The following RASA1 variants were observed in gnomAD, a reference collection of about 807,000 sequenced individuals.
The protein encoded by RASA1 is RAS p21 protein activator 1, also known as ras GTPase-activating protein 1.
Under a neutral mutation model 132.2 loss-of-function variants are expected in RASA1, and 25 were observed. The ratio of observed to expected loss-of-function variants is 0.19; its 90% CI spans 0.14 to 0.26. RASA1 has a LOEUF of 0.26. Among genes scored for constraint, RASA1 ranks in the 10% least tolerant of loss-of-function variants. The probability of loss-of-function intolerance (pLI) is 1.00; values close to 1 mark genes in which losing one functional copy is unlikely to be tolerated. For synonymous variants in RASA1, 477 were observed against 449.9 expected (o/e 1.06, Z -0.76); for missense variants, 964 against 1,299.2 (o/e 0.74, Z 3.97).
intron 1 of RASA1, among the ~76,000 whole-genome samples, chr5:87,329,878 G>GT (rs1757488002): frequency 6.6e-6 from 1 of 152,016 alleles, no homozygotes; most frequent in South Asian, 2.1e-4. Context: ...TTAAATTATA[G>GT]TTCCTTAGGG....
At chr5:87,350,435 T>C (rs1580328325) in intron 8 of RASA1, among the ~76,000 whole-genome samples, 1 of 152,020 alleles carries the variant, frequency 6.6e-6, no homozygotes, top group South Asian at 2.1e-4. Flanking sequence ...ACTGAAAATA[T>C]ATCATCTTCT....
intron 22 of RASA1, 54 bp from the exon 23 acceptor site, chr5:87,386,772 G>T: frequency 6.7e-7 from 1 of 1,496,294 alleles, no homozygotes; most frequent in Non-Finnish European, 9.3e-7. Context: ...CAACCTAATA[G>T]ATCAAACAGT....
At chr5:87,285,647 T>G (rs1754521782) in intron 1 of RASA1, among the ~76,000 whole-genome samples, 1 of 148,218 alleles carries the variant, frequency 6.7e-6, no homozygotes, top group African/African-American at 2.5e-5. Context: ...AGACAAAGTC[T>G]CGCTCTGTCG....
At chr5:87,283,231 C>G (rs781324500) in intron 1 of RASA1, among the ~76,000 whole-genome samples, 2 of 113,788 alleles carry the variant, frequency 1.8e-5, no homozygotes, top group Non-Finnish European at 3.8e-5. Flanking sequence ...CTGAAATTTT[C>G]TATTTTTTAA....
intron 1 of RASA1, among the ~76,000 whole-genome samples, chr5:87,277,303 A>C (rs1313520429): frequency 6.6e-6 from 1 of 152,210 alleles, no homozygotes; most frequent in Non-Finnish European, 1.5e-5. Flanking sequence ...TGGACTTAAT[A>C]GTTCCCCCCT....
At chr5:87,286,759 A>T (rs115472859) in intron 1 of RASA1, among the ~76,000 whole-genome samples, 3,720 of 151,474 alleles carry the variant, frequency 0.025, 101 homozygotes, top group African/African-American at 0.057. Flanking sequence ...TGACTCACTA[A>T]AAGAAATAGA....
At chr5:87,278,825 C>T (rs1481947976) in intron 1 of RASA1, among the ~76,000 whole-genome samples, 2 of 151,524 alleles carry the variant, frequency 1.3e-5, no homozygotes, top group East Asian at 3.9e-4. Flanking sequence ...AGAGTTTCTT[C>T]ACCACTAGAA....
At chr5:87,377,869 G>A (rs150498466) in intron 17 of RASA1, among the ~76,000 whole-genome samples, 10 of 152,238 alleles carry the variant, frequency 6.6e-5, no homozygotes, top group African/African-American at 2.4e-4. Flanking sequence ...ATATAGATTT[G>A]TCAAGGAATA....
chr5:87,277,086 T>C (rs1754097067), intron 1 of RASA1, among the ~76,000 whole-genome samples: 1 of 152,218 alleles, frequency 6.6e-6, no homozygotes, highest in Admixed American at 6.5e-5. Context: ...GTACTTTATA[T>C]AGATTATCTT....
chr5:87,268,620 G>A lies in RASA1; in HGVS notation c.169G>A (p.Val57Met), dbSNP rs2112222422. The A allele has an allele frequency of 6.2e-7, 1 of 1,612,128 alleles. No homozygotes were observed. Among genetic ancestry groups the A allele is most frequent in the Non-Finnish European group, 8.5e-7 (1 of 1,179,506 alleles). The change falls in exon 1 of 25, where the codon GTG becomes ATG. Residue 57 changes from valine to methionine, a missense_variant. Val to Met is a conservative substitution (Grantham distance 21). Around this residue, in one of 6 missense-constraint regions of RASA1, gnomAD observed 326 missense variants for 275.8 expected, o/e 1.18. Coordinates refer to ENST00000274376, the MANE Select transcript of RASA1 (RefSeq NM_002890.3). ...APYPGLVETG[V>M]AGTLGGGAAL... The stretch of plus-strand genomic sequence containing the variant: ...CTATCCTGGGCTGGTGGAGACCGGA[G>A]TGGCTGGAACTCTGGGTGGCGGAGC...
Position 87,360,904 on chromosome 5 carries a change from G to A in RASA1, c.1333-1647G>A, listed in dbSNP as rs144518252. Among the ~76,000 whole-genome samples, 1,154 of 152,186 alleles carry A rather than the reference G, an allele frequency of 7.6e-3. 17 individuals are homozygous for A. The highest frequency in any genetic ancestry group is 0.027 in the African/African-American group (1,111 of 41,522). Reference sequence around the variant, plus strand: ...GTTTTTTTCTCTTTATCATTTATGAGCAGAAAATAAAGAGTTCTGAATATT... The same window carrying A: ...GTTTTTTTCTCTTTATCATTTATGAACAGAAAATAAAGAGTTCTGAATATT... On this transcript the variant is annotated intron_variant, in intron 9 of 24. Coordinates refer to ENST00000274376, the MANE Select transcript of RASA1 (RefSeq NM_002890.3).
At chr5:87,270,638 T>C (rs967317187) in intron 1 of RASA1, among the ~76,000 whole-genome samples, 7 of 129,398 alleles carry the variant, frequency 5.4e-5, no homozygotes, top group African/African-American at 1.1e-4. Context: ...TAAGCCACGG[T>C]GCCCGGCCTT....
intron 7 of RASA1, 43 bp from the exon 8 acceptor site, chr5:87,349,171 T>A (rs1021714982): frequency 3.1e-6 from 5 of 1,602,128 alleles, no homozygotes; most frequent in Non-Finnish European, 4.3e-6. Context: ...CTTTTCTTTT[T>A]TATTTGATAA....
At chr5:87,364,987 G>C (rs1760397504) in intron 11 of RASA1, among the ~76,000 whole-genome samples, 1 of 152,154 alleles carries the variant, frequency 6.6e-6, no homozygotes, top group Non-Finnish European at 1.5e-5. Context: ...ATGGATGTTG[G>C]AGAGGCAACA....
At chr5:87,287,064 A>T (rs1263781936) in intron 1 of RASA1, among the ~76,000 whole-genome samples, 1 of 146,074 alleles carries the variant, frequency 6.8e-6, no homozygotes, top group Non-Finnish European at 1.5e-5. Flanking sequence ...CCCCATGTAT[A>T]TACACACCAT....
chr5:87,377,589 A>T (rs1276381627), intron 17 of RASA1, among the ~76,000 whole-genome samples: 2 of 151,952 alleles, frequency 1.3e-5, no homozygotes, highest in Non-Finnish European at 2.9e-5. Context: ...CGCCTGCCTC[A>T]AGCCTCCCAA....
chr5:87,324,128 G>A (rs749221312), intron 1 of RASA1, among the ~76,000 whole-genome samples: 7 of 152,306 alleles, frequency 4.6e-5, no homozygotes, highest in Non-Finnish European at 7.3e-5. Context: ...TTCATGTGCT[G>A]AATGGTATGA....
At chr5:87,373,282 C>A (rs1761082064) in intron 13 of RASA1, among the ~76,000 whole-genome samples, 1 of 152,056 alleles carries the variant, frequency 6.6e-6, no homozygotes, top group East Asian at 1.9e-4. Context: ...AGTATAACAA[C>A]TATGTACATA....
At chr5:87,304,644 T>A (rs1175847361) in intron 1 of RASA1, among the ~76,000 whole-genome samples, 2 of 152,006 alleles carry the variant, frequency 1.3e-5, no homozygotes, top group Non-Finnish European at 2.9e-5. Context: ...ATTTTTGTGT[T>A]TTTAGTAGAG....
Sources: allele counts gnomAD v4.1 joint callset (sites outside exome capture counted in the v4.1 genomes callset), GRCh38; gene constraint gnomAD v4.1.1; regional missense constraint gnomAD v4.1.1; transcripts MANE v1.5; gene names NCBI Gene and HGNC (gene_info 2026-07-23, HGNC 2026-07-21).